NUPR2: variants seen among roughly 807,000 people sequenced by gnomAD.
The protein encoded by NUPR2 is nuclear protein 2, transcriptional regulator, also known as nuclear protein 2.
NUPR2 carries 14 observed loss-of-function variants against 7.3 expected under a neutral mutation model. The ratio of observed to expected loss-of-function variants is 1.93; its 90% CI spans 1.27 to 3.01. NUPR2 has a LOEUF of 3.01. Ranked by LOEUF, NUPR2 falls within the 30% of genes most tolerant of loss-of-function variation. The probability of loss-of-function intolerance (pLI) is 0.00; values close to 1 mark genes in which losing one functional copy is unlikely to be tolerated. For synonymous variants in NUPR2, 56 were observed against 59.7 expected, an observed-to-expected ratio of 0.94 and a Z score of 0.29; for missense variants, 162 against 143.7, an observed-to-expected ratio of 1.13 and a Z score of -0.65.
rs1785555594 is a variant in NUPR2 at position 56,116,389 on chromosome 7, T to A, written c.-75A>T. On this transcript the variant is annotated 5_prime_UTR_variant, in exon 1 of 2. Transcript: ENST00000329309. ...TCCTGGAAGACCCAGCAGCCCCGCC[T>A]CGAGTTCCGATGGGCTCCGCGTGAA... The A allele has an allele frequency of 2.3e-6, 2 of 875,388 alleles. No homozygotes were observed. Among genetic ancestry groups the A allele is most frequent in the Non-Finnish European group, 3.2e-6 (2 of 627,104 alleles). 54.2% of individuals were successfully genotyped at this position (875,388 alleles called of 1,614,324 possible). A position where few individuals can be genotyped will look rare whatever the true frequency, so the allele number is the denominator to read the frequency against.
In NUPR2 at chr7:56,116,169, T is replaced by A; in HGVS notation, c.146A>T (p.Lys49Met). The A allele has an allele frequency of 6.5e-7, 1 of 1,548,192 alleles. No individual in the cohort carries two copies. The change falls in exon 1 of 2, where the codon AAG becomes ATG. Residue 49 changes from lysine (K) to methionine (M), a missense_variant. Physicochemically the swap from Lys to Met is moderately conservative, Grantham distance 95 (BLOSUM62 -1). Coordinates refer to ENST00000329309, the MANE Select transcript of NUPR2 (RefSeq NM_001145712.2). ...CGCCTGCTCGCGCCGAGTCCGGCCC[T>A]TGCTGCGCCCTGCCCCGCAGGCCGG... is the stretch of plus-strand genomic sequence containing the variant. ...DFPACGAGRSKGRTRREQALR... is the reference protein window; with the variant it reads ...DFPACGAGRSMGRTRREQALR...
intron 1 of NUPR2, among the ~76,000 whole-genome samples, chr7:56,115,268 G>A (rs1196323355): frequency 6.7e-6 from 1 of 148,918 alleles, no homozygotes; most frequent in Non-Finnish European, 1.5e-5. Flanking sequence ...TATGAGCGCC[G>A]GAAGAAAAGC....
chr7:56,115,429 T>TATATATATTTGTG (rs1554376538), intron 1 of NUPR2, among the ~76,000 whole-genome samples: 1 of 30,986 alleles, frequency 3.2e-5, no homozygotes. Flanking sequence ...ATATATATAT[T>TATATATATTTGTG]TGTGTGTGTG....
At chr7:56,115,451 G>GTATATATATATATA (rs1562891915) in intron 1 of NUPR2, among the ~76,000 whole-genome samples, 4 of 36,810 alleles carry the variant, frequency 1.1e-4, no homozygotes, top group African/African-American at 2.6e-4. Flanking sequence ...GTGTGTGTGT[G>GTATATATATATATA]TGTGTGTGTG....
In NUPR2 at chr7:56,116,412, G is replaced by T; in HGVS notation, c.-98C>A. ...CCTCGAGTTCCGATGGGCTCCGCGT[G>T]AAGGTGGGGGTGCCTTCGGCGACGC... is the stretch of plus-strand genomic sequence containing the variant. On this transcript the variant is annotated 5_prime_UTR_variant, in exon 1 of 2. Transcript: ENST00000329309. 1.5e-6 allele frequency: 1 copy of T among 661,540 alleles called. No homozygotes were observed. The highest frequency in any genetic ancestry group is 2.3e-6 in the Non-Finnish European group (1 of 436,990). The allele number at this position is 661,540 out of a possible 1,614,324, so 41.0% of individuals were successfully genotyped here.
chr7:56,115,446 T>TATATATATA (rs1785531439), intron 1 of NUPR2, among the ~76,000 whole-genome samples: 1 of 70,748 alleles, frequency 1.4e-5, no homozygotes, highest in Non-Finnish European at 2.7e-5. Flanking sequence ...TGTGTGTGTG[T>TATATATATA]GTGTGTGTGT....
At chr7:56,115,426 TATTTGTGTG>T (rs1233174161) in intron 1 of NUPR2, among the ~76,000 whole-genome samples, 223 of 48,568 alleles carry the variant, frequency 4.6e-3, no homozygotes, top group Admixed American at 6.6e-3. Flanking sequence ...TATATATATA[TATTTGTGTG>T]TGTGTGTGTG....
Position 56,115,625 on chromosome 7 carries a change from T to TTATA in NUPR2, c.*6+386_*6+389dup, listed in dbSNP as rs57272607. Among the ~76,000 whole-genome samples, 922 of 105,188 alleles carry TTATA rather than the reference T, an allele frequency of 8.8e-3. 51 individuals carry two copies. The highest frequency in any genetic ancestry group is 9.9e-3 in the Non-Finnish European group (525 of 52,836). The allele number at this position is 105,188 out of a possible 152,430, so 69.0% of individuals were successfully genotyped here. On this transcript the variant is annotated intron_variant, in intron 1 of 1. Transcript: ENST00000329309. ...CGCGCACCACAGTGCCTGGCTAATT[T>TTATA]TATATATATATATATATATATATTT...
chr7:56,115,989 T>C (rs1584650678), intron 1 of NUPR2, 26 bp downstream of exon 1: 6 of 1,430,266 alleles, frequency 4.2e-6, no homozygotes, highest in Non-Finnish European at 5.5e-6. Flanking sequence ...GGGGCACTGG[T>C]TGGGGGAGGT....
chr7:56,115,444 TG>T (rs1245824933), intron 1 of NUPR2, among the ~76,000 whole-genome samples: 1 of 65,394 alleles, frequency 1.5e-5, no homozygotes, highest in African/African-American at 6.3e-5. Context: ...TGTGTGTGTG[TG>T]TGTGTGTGTG....
intron 1 of NUPR2, 60 bp downstream of exon 1, chr7:56,115,955 T>G: frequency 1.5e-6 from 2 of 1,330,566 alleles, no homozygotes; most frequent in Non-Finnish European, 2.0e-6. Flanking sequence ...CGCCGCGCCG[T>G]GGGGGGACGC....
intron 1 of NUPR2, among the ~76,000 whole-genome samples, chr7:56,115,469 G>A (rs1349523754): frequency 6.6e-5 from 2 of 30,238 alleles, no homozygotes; most frequent in African/African-American, 1.6e-4. Context: ...GTGTGTGTGT[G>A]TGTGTGTGAC....
chr7:56,116,336 C>T lies in NUPR2; in HGVS notation c.-22G>A. 5 of 1,319,228 alleles carry T rather than the reference C, an allele frequency of 3.8e-6. No homozygotes were observed. The highest frequency in any genetic ancestry group is 4.9e-6 in the Non-Finnish European group (5 of 1,025,366). The allele number at this position is 1,319,228 out of a possible 1,614,324, so 81.7% of individuals were successfully genotyped here. A position where few individuals can be genotyped will look rare whatever the true frequency, so the allele number is the denominator to read the frequency against. The stretch of plus-strand genomic sequence containing the variant: ...CCATCCTGCCCAGGCCTGTGGCCAC[C>T]GGCGGCCACCTGCCCGCGTCTGGGC... On this transcript the variant is annotated 5_prime_UTR_variant, in exon 1 of 2. Coordinates refer to ENST00000329309, the MANE Select transcript of NUPR2 (RefSeq NM_001145712.2).
Position 56,115,427 on chromosome 7 carries a change from A to G in NUPR2, c.*7-530T>C, listed in dbSNP as rs1227517939. ...TATATATATATATATATATATATAT[A>G]TTTGTGTGTGTGTGTGTGTGTGTGT... On this transcript the variant is annotated intron_variant, in intron 1 of 1. Transcript: ENST00000329309. Among the ~76,000 whole-genome samples, 7 of 42,676 alleles carry G rather than the reference A, an allele frequency of 1.6e-4. 1 individual carries two copies. The highest frequency in any genetic ancestry group is 6.2e-4 in the Admixed American group (2 of 3,218). The allele number at this position is 42,676 out of a possible 152,430, so 28.0% of individuals were successfully genotyped here.
chr7:56,114,872 A>C lies in NUPR2; in HGVS notation c.*32T>G, dbSNP rs1785513326. On this transcript the variant is annotated 3_prime_UTR_variant, in exon 2 of 2. Transcript: ENST00000329309. Reference sequence around the variant, plus strand: ...CAAGTTACAGTTGGAGTTACAGTAAATACTTCGAACAGGTCCTTCGGTATC... The same window carrying C: ...CAAGTTACAGTTGGAGTTACAGTAACTACTTCGAACAGGTCCTTCGGTATC... 6.6e-6 allele frequency: 1 copy of C among 152,210 alleles called. No individual in the cohort carries two copies. Among genetic ancestry groups the C allele is most frequent in the African/African-American group, 2.4e-5 (1 of 41,464 alleles). 9.4% of individuals were successfully genotyped at this position (152,210 alleles called of 1,614,324 possible). A position where few individuals can be genotyped will look rare whatever the true frequency, so the allele number is the denominator to read the frequency against.
Position 56,116,403 on chromosome 7 carries a change from G to C in NUPR2, c.-89C>G, listed in dbSNP as rs1785555797. Reference sequence around the variant, plus strand: ...GCAGCCCCGCCTCGAGTTCCGATGGGCTCCGCGTGAAGGTGGGGGTGCCTT... The same window carrying C: ...GCAGCCCCGCCTCGAGTTCCGATGGCCTCCGCGTGAAGGTGGGGGTGCCTT... On this transcript the variant is annotated 5_prime_UTR_variant, in exon 1 of 2. Coordinates refer to ENST00000329309, the MANE Select transcript of NUPR2 (RefSeq NM_001145712.2). 1 of 741,672 alleles carries C rather than the reference G, an allele frequency of 1.3e-6. No homozygotes were observed. The highest frequency in any genetic ancestry group is 4.1e-5 in the Admixed American group (1 of 24,308). 45.9% of individuals were successfully genotyped at this position (741,672 alleles called of 1,614,324 possible).
At position 56,116,325 on chromosome 7, in the gene NUPR2, C is replaced by T; in HGVS notation, c.-11G>A. The stretch of plus-strand genomic sequence containing the variant: ...TGCGGGCGCTTCCATCCTGCCCAGG[C>T]CTGTGGCCACCGGCGGCCACCTGCC... On this transcript the variant is annotated 5_prime_UTR_variant, in exon 1 of 2. Transcript: ENST00000329309. 7.4e-7 allele frequency: 1 copy of T among 1,354,654 alleles called. No individual in the cohort carries two copies. The highest frequency in any genetic ancestry group is 9.5e-7 in the Non-Finnish European group (1 of 1,050,648). 83.9% of individuals were successfully genotyped at this position (1,354,654 alleles called of 1,614,324 possible). A position where few individuals can be genotyped will look rare whatever the true frequency, so the allele number is the denominator to read the frequency against.
chr7:56,115,648 T>TATA (rs1562892028), intron 1 of NUPR2, among the ~76,000 whole-genome samples: 11 of 128,334 alleles, frequency 8.6e-5, no homozygotes, highest in African/African-American at 2.4e-4. Flanking sequence ...TATATATATA[T>TATA]TTTAGTAGAG....
chr7:56,116,227 C>G lies in NUPR2; in HGVS notation c.88G>C (p.Asp30His). 3 of 1,546,568 alleles carry G rather than the reference C, an allele frequency of 1.9e-6. No homozygotes were observed. Among genetic ancestry groups the G allele is most frequent in the Admixed American group, 3.9e-5 (2 of 50,806 alleles). The stretch of plus-strand genomic sequence containing the variant: ...CGCAGGTAGTAGTAGTCCAGGCAGT[C>G]GTAAAGCTCCTCCTCGTAGCTTATG... ...PPISYEEELY[D>H]CLDYYYLRDF... The change falls in exon 1 of 2, where the codon GAC becomes CAC. Residue 30 changes from aspartate to histidine, a missense_variant. Transcript: ENST00000329309.
Sources: gnomAD v4.1 joint callset for allele counts (sites outside exome capture counted in the v4.1 genomes callset) on GRCh38, gnomAD v4.1.1 for gene constraint, MANE v1.5 for transcripts, NCBI Gene and HGNC (gene_info 2026-07-23, HGNC 2026-07-21) for gene names.